The following RPIA variants were observed in gnomAD, a reference collection of about 807,000 sequenced individuals.
RPIA encodes ribose-5-phosphate isomerase.
In RPIA, 29 loss-of-function variants were observed where a neutral mutation model predicts 37.8. That is an observed-to-expected ratio of 0.77 (90% CI 0.57 to 1.05). The LOEUF (loss-of-function observed/expected upper bound fraction) is 1.05, where lower values mean the gene tolerates loss of function less well. Ranked by LOEUF, RPIA falls within the 50% of genes least tolerant of loss-of-function variation. The pLI is 0.00. For synonymous variants in RPIA, 167 were observed against 157.0 expected (o/e 1.06, Z -0.48); for missense variants, 385 against 413.6 (o/e 0.93, Z 0.60).
intron 7 of RPIA, 152 bp from the exon 8 acceptor site, chr2:88,737,825 C>T: frequency 3.1e-6 from 2 of 639,482 alleles, no homozygotes; most frequent in Non-Finnish European, 5.8e-6. Flanking sequence ...TTTCAAAGCT[C>T]CTGCTTATTA....
chr2:88,692,278 G>A (rs1676946848), intron 1 of RPIA, among the ~76,000 whole-genome samples: 1 of 152,226 alleles, frequency 6.6e-6, no homozygotes, highest in African/African-American at 2.4e-5. Flanking sequence ...TGTTTGGAAT[G>A]GGGGCTAGAG....
intron 8 of RPIA, among the ~76,000 whole-genome samples, chr2:88,743,567 G>A (rs1335223512): frequency 7.0e-6 from 1 of 143,156 alleles, no homozygotes; most frequent in Non-Finnish European, 1.6e-5. Context: ...ATTTAGAGAG[G>A]ATTCCCTTTT....
At chr2:88,734,649 T>C in intron 5 of RPIA, 33 bp downstream of exon 5, 1 of 1,605,402 alleles carries the variant, frequency 6.2e-7, no homozygotes, top group Non-Finnish European at 8.5e-7. Context: ...TGCTAAAGAG[T>C]ATCTGCCAGT....
At chr2:88,700,454 C>T (rs1055426241) in intron 3 of RPIA, among the ~76,000 whole-genome samples, 3 of 152,094 alleles carry the variant, frequency 2.0e-5, no homozygotes, top group Admixed American at 2.0e-4. Flanking sequence ...GAGTTCAAGA[C>T]CAGCCTGGGC....
chr2:88,705,485 C>T (rs1355637950), intron 3 of RPIA, among the ~76,000 whole-genome samples: 1 of 152,138 alleles, frequency 6.6e-6, no homozygotes, highest in Non-Finnish European at 1.5e-5. Flanking sequence ...ATAAATGGTG[C>T]CAGGAGAACT....
intron 3 of RPIA, among the ~76,000 whole-genome samples, chr2:88,703,641 C>T (rs1672862084): frequency 6.6e-6 from 1 of 152,186 alleles, no homozygotes; most frequent in South Asian, 2.1e-4. Context: ...CCACTTTTTT[C>T]TCCTAGGCCT....
At chr2:88,734,482 C>T (rs974051338) in intron 4 of RPIA, 70 bp from the exon 5 acceptor site, 22 of 1,424,680 alleles carry the variant, frequency 1.5e-5, no homozygotes, top group East Asian at 9.1e-5. Context: ...GATGAGCTAT[C>T]GCATGCTCAG....
At chr2:88,702,378 C>T (rs1672842501) in intron 3 of RPIA, among the ~76,000 whole-genome samples, 1 of 149,280 alleles carries the variant, frequency 6.7e-6, no homozygotes, top group African/African-American at 2.5e-5. Flanking sequence ...TAAAGACATA[C>T]CTGAGACTGG....
chr2:88,721,578 C>T (rs1359880995), intron 3 of RPIA, among the ~76,000 whole-genome samples: 3 of 136,946 alleles, frequency 2.2e-5, no homozygotes, highest in African/African-American at 8.0e-5. Flanking sequence ...CACACCCCCC[C>T]CCCCACATGC....
At chr2:88,748,502 G>C (rs1231616404) in intron 8 of RPIA, among the ~76,000 whole-genome samples, 1 of 152,170 alleles carries the variant, frequency 6.6e-6, no homozygotes, top group East Asian at 1.9e-4. Context: ...TACCAACAGT[G>C]TGTGCAGGTA....
At chr2:88,704,935 A>G (rs546600416) in intron 3 of RPIA, among the ~76,000 whole-genome samples, 1 of 152,328 alleles carries the variant, frequency 6.6e-6, no homozygotes, top group East Asian at 1.9e-4. Flanking sequence ...ATAGACAAGC[A>G]GAGAGCCAAA....
Position 88,750,212 on chromosome 2 carries a change from A to T in RPIA, c.*134A>T. 1.6e-6 allele frequency: 1 copy of T among 632,626 alleles called. No homozygotes were observed. The allele number at this position is 632,626 out of a possible 1,614,324, so 39.2% of individuals were successfully genotyped here. On this transcript the variant is annotated 3_prime_UTR_variant, in exon 9 of 9. Transcript: ENST00000283646. ...GGTGGGGGGTGGGGGGAAGAGTGGG[A>T]GGGGGAGTTAAATCCAGTCTTATGA...
At chr2:88,723,832 G>A (rs1039326106) in intron 3 of RPIA, among the ~76,000 whole-genome samples, 3 of 152,086 alleles carry the variant, frequency 2.0e-5, no homozygotes, top group Non-Finnish European at 4.4e-5. Context: ...GAGACATGAG[G>A]TGTTAATCAA....
At chr2:88,735,623 T>G in intron 5 of RPIA, 46 bp from the exon 6 acceptor site, 369 of 1,530,042 alleles carry the variant, frequency 2.4e-4, no homozygotes, top group Non-Finnish European at 3.0e-4. Context: ...GTTCCCAAAC[T>G]GAGATTTTTG....
intron 3 of RPIA, among the ~76,000 whole-genome samples, chr2:88,723,799 AG>A (rs1230139865): frequency 2.0e-5 from 3 of 152,094 alleles, no homozygotes; most frequent in Admixed American, 6.5e-5. Context: ...GTCAGAGCAC[AG>A]TTTGGTTTTG....
chr2:88,735,444 GGGAACCTTGTCTGCTTTCTAGGTTTCTC>G (rs1329992368), intron 5 of RPIA, among the ~76,000 whole-genome samples, 197 bp from the exon 6 acceptor site: 1 of 152,236 alleles, frequency 6.6e-6, no homozygotes, highest in Non-Finnish European at 1.5e-5. Context: ...TGGCCTGAAT[GGGAACCTTGTCTGCTTTCTAGGTTTCTC>G]CCAGACAGGG....
intron 4 of RPIA, among the ~76,000 whole-genome samples, chr2:88,732,886 T>C (rs1280735554): frequency 1.3e-5 from 2 of 152,254 alleles, no homozygotes; most frequent in Non-Finnish European, 2.9e-5. Flanking sequence ...GCCATTATTA[T>C]GTACCAGCTT....
chr2:88,721,213 CA>C (rs1553420974), intron 3 of RPIA, among the ~76,000 whole-genome samples: 1 of 151,710 alleles, frequency 6.6e-6, no homozygotes, highest in Non-Finnish European at 1.5e-5. Context: ...TGGGGCCTGT[CA>C]GGGGGTGAGG....
chr2:88,691,942 A>G lies in RPIA; in HGVS notation c.244A>G (p.Lys82Glu). 1.2e-6 allele frequency: 2 copies of G among 1,600,160 alleles called. No homozygotes were observed. Among genetic ancestry groups the G allele is most frequent in the Non-Finnish European group, 1.7e-6 (2 of 1,174,024 alleles). Reference protein sequence around the residue: ...PSTMSKAEEAKKLAGRAAVEN... With the variant: ...PSTMSKAEEAEKLAGRAAVEN... ...CACGATGTCCAAGGCCGAGGAGGCC[A>G]AGAAGCTGGCGGGCCGCGCGGCTGT... is the stretch of plus-strand genomic sequence containing the variant. The change falls in exon 1 of 9, where the codon AAG (lysine) becomes GAG (glutamate). Residue 82 changes from lysine to glutamate, a missense_variant. Coordinates refer to ENST00000283646, the MANE Select transcript of RPIA (RefSeq NM_144563.3).
Sources: allele counts gnomAD v4.1 joint callset (sites outside exome capture counted in the v4.1 genomes callset), GRCh38; gene constraint gnomAD v4.1.1; transcripts MANE v1.5; gene names NCBI Gene and HGNC (gene_info 2026-07-23, HGNC 2026-07-21).